E2F5: variants seen among roughly 807,000 people sequenced by gnomAD.
E2F5 encodes the protein transcription factor E2F5.
E2F5 carries 23 observed loss-of-function variants against 39.1 expected under a neutral mutation model. The observed-to-expected ratio is 0.59, with a 90% CI of 0.42 to 0.83. The LOEUF is 0.83. Among genes scored for constraint, E2F5 ranks in the 40% least tolerant of loss-of-function variants. The pLI, the probability that E2F5 is intolerant of heterozygous loss-of-function variation, is 0.00. For synonymous variants in E2F5, 145 were observed against 157.8 expected, an observed-to-expected ratio of 0.92 and a Z score of 0.61; for missense variants, 365 against 406.7, an observed-to-expected ratio of 0.90 and a Z score of 0.88.
At chr8:85,177,699 G>T (rs370603561) in intron 1 of E2F5, 45 bp downstream of exon 1, 320 of 1,226,436 alleles carry the variant, frequency 2.6e-4, no homozygotes, top group Non-Finnish European at 2.8e-4. Context: ...GGAACCCGTG[G>T]CCCCCGGGGA....
In E2F5 at chr8:85,213,572, AC is replaced by A. The variant is rs1384199572; in HGVS notation, c.932-180del. 3 of 358,650 alleles carry A rather than the reference AC, an allele frequency of 8.4e-6. No homozygotes were observed. In the East Asian group the frequency reaches 1.4e-4, roughly 16 times the overall value. 22.2% of individuals were successfully genotyped at this position (358,650 alleles called of 1,614,324 possible). A position where few individuals can be genotyped will look rare whatever the true frequency, so the allele number is the denominator to read the frequency against. Reference sequence around the variant, plus strand: ...AAAAAAAAAAAAAAAGAAAAAATTAACTTCTGTTTCTCAATCTAATATCAAT... The same window carrying A: ...AAAAAAAAAAAAAAAGAAAAAATTAATTCTGTTTCTCAATCTAATATCAAT... On this transcript the variant is annotated intron_variant, in intron 7 of 7. Transcript: ENST00000416274.
intron 1 of E2F5, among the ~76,000 whole-genome samples, chr8:85,186,536 A>G (rs923077465): frequency 1.3e-5 from 2 of 149,956 alleles, no homozygotes; most frequent in South Asian, 4.2e-4. Flanking sequence ...TGTACGGTAT[A>G]TATATATATG....
chr8:85,195,882 T>C (rs1212439861), intron 1 of E2F5, among the ~76,000 whole-genome samples: 1 of 152,234 alleles, frequency 6.6e-6, no homozygotes, highest in African/African-American at 2.4e-5. Context: ...TCAGCATTAT[T>C]GTCCTAGTTA....
chr8:85,191,325 T>G (rs1423798229), intron 1 of E2F5, among the ~76,000 whole-genome samples: 1 of 152,156 alleles, frequency 6.6e-6, no homozygotes, highest in African/African-American at 2.4e-5. Flanking sequence ...AAATTTCAGT[T>G]AGACAAGAAT....
chr8:85,202,713 G>A (rs1812720717), intron 2 of E2F5, among the ~76,000 whole-genome samples: 1 of 151,874 alleles, frequency 6.6e-6, no homozygotes, highest in Non-Finnish European at 1.5e-5. Context: ...GTCTTGTTTT[G>A]TTTTCGCCAA....
rs1812103726 is a variant in E2F5, at chr8:85,177,344, C to A, written c.-77C>A. On this transcript the variant is annotated 5_prime_UTR_variant, in exon 1 of 8. Transcript: ENST00000416274. ...GGCGGGGAAGCGGCCGCAGCGGAGCCGACCCGGCAGGTGGCCGCGGGCGGG... is the reference window on the plus strand; with the variant it reads ...GGCGGGGAAGCGGCCGCAGCGGAGCAGACCCGGCAGGTGGCCGCGGGCGGG... 11 of 975,200 alleles carry A rather than the reference C, an allele frequency of 1.1e-5. No individual in the cohort carries two copies. The South Asian group carries it at 2.8e-4, about 25-fold the overall frequency. The allele number at this position is 975,200 out of a possible 1,614,324, so 60.4% of individuals were successfully genotyped here.
intron 5 of E2F5, among the ~76,000 whole-genome samples, 189 bp downstream of exon 5, chr8:85,207,678 T>C (rs1812826877): frequency 6.6e-6 from 1 of 152,216 alleles, no homozygotes; most frequent in Non-Finnish European, 1.5e-5. Context: ...ACTAAATGAA[T>C]CATAAATGAT....
chr8:85,206,057 A>G (rs748661237), intron 3 of E2F5, 120 bp from the exon 4 acceptor site: 77 of 888,336 alleles, frequency 8.7e-5, no homozygotes, highest in Admixed American at 2.2e-4. Flanking sequence ...TTGTCTGTCC[A>G]TGTGTGGCAG....
chr8:85,181,313 G>T (rs1338090952), intron 1 of E2F5, among the ~76,000 whole-genome samples: 1 of 151,846 alleles, frequency 6.6e-6, no homozygotes, highest in African/African-American at 2.4e-5. Flanking sequence ...AGAACGTAAG[G>T]TTGTATCTTA....
intron 1 of E2F5, among the ~76,000 whole-genome samples, chr8:85,197,822 ACCTACC>A (rs1156415843): frequency 1.3e-5 from 2 of 152,170 alleles, no homozygotes; most frequent in African/African-American, 2.4e-5. Flanking sequence ...TTTGCTCTCC[ACCTACC>A]CCTTGTCTGT....
chr8:85,180,157 A>T (rs1302366132), intron 1 of E2F5, among the ~76,000 whole-genome samples: 1 of 151,674 alleles, frequency 6.6e-6, no homozygotes, highest in Non-Finnish European at 1.5e-5. Context: ...AGTAGCTGGG[A>T]TTACAGGTGC....
intron 1 of E2F5, among the ~76,000 whole-genome samples, chr8:85,186,323 A>G (rs1322409302): frequency 2.0e-5 from 3 of 151,810 alleles, no homozygotes; most frequent in East Asian, 1.9e-4. Context: ...ACATGGACAC[A>G]GGGAGGGGAA....
At position 85,187,980 on chromosome 8, in the gene E2F5, T is replaced by A. The variant is rs60700214; in HGVS notation, c.234+10326T>A. The stretch of plus-strand genomic sequence containing the variant: ...TGTTACCATGAGGCTTACAAAAAAA[T>A]ATCTTACAATGCGGTATTTTAAGCT... On this transcript the variant is annotated intron_variant, in intron 1 of 7. Transcript: ENST00000416274. Among the ~76,000 whole-genome samples, 855 of 152,288 alleles carry A rather than the reference T, an allele frequency of 5.6e-3. 54 individuals are homozygous for A. In the East Asian group the frequency reaches 0.13, roughly 24 times the overall value.
Position 85,207,925 on chromosome 8 carries a change from TA to T in E2F5, c.615+440del, listed in dbSNP as rs1812832105. On this transcript the variant is annotated intron_variant, in intron 5 of 7. Coordinates refer to ENST00000416274, the MANE Select transcript of E2F5 (RefSeq NM_001951.4). ...TCTATCCCCAAGTAACCAAATGATT[TA>T]AAATGATTTAACATTTTGATTAAAT... Among the ~76,000 whole-genome samples, 4 of 152,262 alleles carry T rather than the reference TA, an allele frequency of 2.6e-5. No homozygotes were observed. In the South Asian group the frequency reaches 8.3e-4, roughly 32 times the overall value.
In E2F5 at chr8:85,213,973, A is replaced by G. The variant is rs1813022214; in HGVS notation, c.*111A>G. 4.5e-6 allele frequency: 3 copies of G among 664,360 alleles called. No individual in the cohort carries two copies. Among genetic ancestry groups the G allele is most frequent in the South Asian group, 3.8e-5 (2 of 52,714 alleles). 41.2% of individuals were successfully genotyped at this position (664,360 alleles called of 1,614,324 possible). A position where few individuals can be genotyped will look rare whatever the true frequency, so the allele number is the denominator to read the frequency against. ...ATGTAACACCTTTTTTAGTTCACTG[A>G]TTCTGAAGTGTTCTTCCCTAATACT... On this transcript the variant is annotated 3_prime_UTR_variant, in exon 8 of 8. Coordinates refer to ENST00000416274, the MANE Select transcript of E2F5 (RefSeq NM_001951.4).
At chr8:85,190,847 T>C (rs777579717) in intron 1 of E2F5, among the ~76,000 whole-genome samples, 16 of 152,068 alleles carry the variant, frequency 1.1e-4, no homozygotes, top group Non-Finnish European at 2.2e-4. Context: ...GTGCCTGTTG[T>C]AATCAAAAAG....
intron 1 of E2F5, among the ~76,000 whole-genome samples, chr8:85,178,992 A>T (rs1812145078): frequency 6.6e-6 from 1 of 152,028 alleles, no homozygotes; most frequent in Non-Finnish European, 1.5e-5. Context: ...TATTCCTGGA[A>T]TTTTTTTCCC....
Position 85,203,201 on chromosome 8 carries a change from AGTT to A in E2F5, c.455_457del (p.Leu152del). The stretch of plus-strand genomic sequence containing the variant: ...AAGGAAAGAGAACTTGATCAGCAGA[AGTT>A]GTGGCTACAGCAAAGCATCAAAAAT... On this transcript the variant is annotated inframe_deletion, in exon 3 of 8. Coordinates refer to ENST00000416274, the MANE Select transcript of E2F5 (RefSeq NM_001951.4). The A allele has an allele frequency of 3.7e-6, 6 of 1,606,090 alleles. No individual in the cohort carries two copies. The highest frequency in any genetic ancestry group is 5.1e-6 in the Non-Finnish European group (6 of 1,176,144).
In E2F5 at chr8:85,177,489, G is replaced by A; in HGVS notation, c.69G>A (p.Pro23=). ...APAGQGQGQR[P]PPQPPQAQAP... ...CAGGGCAGGGGCAGGGCCAGCGGCC[G>A]CCGCCGCAGCCTCCGCAGGCGCAAG... The change falls in exon 1 of 8, where the codon CCG becomes CCA. Residue 23 remains proline (P), a synonymous_variant. Coordinates refer to ENST00000416274, the MANE Select transcript of E2F5 (RefSeq NM_001951.4). 1.9e-6 allele frequency: 2 copies of A among 1,041,300 alleles called. No homozygotes were observed. The highest frequency in any genetic ancestry group is 2.3e-6 in the Non-Finnish European group (2 of 868,490). The allele number at this position is 1,041,300 out of a possible 1,614,324, so 64.5% of individuals were successfully genotyped here.
Sources: gnomAD v4.1 joint callset for allele counts (sites outside exome capture counted in the v4.1 genomes callset) on GRCh38, gnomAD v4.1.1 for gene constraint, MANE v1.5 for transcripts, NCBI Gene and HGNC (gene_info 2026-07-23, HGNC 2026-07-21) for gene names.